HDAC9: variants seen among roughly 807,000 people sequenced by gnomAD.
HDAC9 encodes MEF-2 interacting transcription repressor (MITR) protein.
Under a neutral mutation model 139.4 loss-of-function variants are expected in HDAC9, and 41 were observed. The ratio of observed to expected loss-of-function variants is 0.29; its 90% CI spans 0.23 to 0.38. The LOEUF (loss-of-function observed/expected upper bound fraction) is 0.38. Ranked by LOEUF, HDAC9 falls within the 10% of genes least tolerant of loss-of-function variation. The pLI is 1.00. For synonymous variants in HDAC9, 517 were observed against 476.2 expected (o/e 1.09, Z -1.12); for missense variants, 1,147 against 1,297.0 (o/e 0.88, Z 1.78).
At chr7:18,636,218 T>C (rs1783836690) in intron 8 of HDAC9, among the ~76,000 whole-genome samples, 2 of 152,088 alleles carry the variant, frequency 1.3e-5, no homozygotes, top group South Asian at 4.1e-4. Flanking sequence ...AACACTAAGC[T>C]GACACCCCAG....
intron 1 of HDAC9, among the ~76,000 whole-genome samples, chr7:18,381,355 A>G (rs932634276): frequency 6.6e-6 from 1 of 152,106 alleles, no homozygotes; most frequent in African/African-American, 2.4e-5. Context: ...GGTTGAATAA[A>G]TTTCTCTAAC....
intron 17 of HDAC9, among the ~76,000 whole-genome samples, chr7:18,822,878 A>G (rs1585102043): frequency 6.6e-6 from 1 of 152,216 alleles, no homozygotes; most frequent in African/African-American, 2.4e-5. Context: ...TTAGGATTAA[A>G]TGGGCAATAA....
chr7:18,362,962 A>G lies in HDAC9; in HGVS notation c.-42+72447A>G, dbSNP rs113009928. 3.3e-3 allele frequency among the ~76,000 whole-genome samples: 502 copies of G among 152,280 alleles called. 4 individuals are homozygous for G. The highest frequency in any genetic ancestry group is 0.01 in the African/African-American group (434 of 41,584). On this transcript the variant is annotated intron_variant, in intron 1 of 3. Transcript: ENST00000413509. ...AGAACAAAAGAGACTTATCCCACCC[A>G]GATTGATTCAAATACCTGGAGATAC...
At chr7:18,506,471 T>A (rs1315327888) in intron 2 of HDAC9, among the ~76,000 whole-genome samples, 1 of 152,222 alleles carries the variant, frequency 6.6e-6, no homozygotes, top group African/African-American at 2.4e-5. Context: ...ACACATACTG[T>A]TTTCTTTTTT....
chr7:18,154,057 C>A (rs138199256), intron 1 of HDAC9, among the ~76,000 whole-genome samples: 1 of 152,304 alleles, frequency 6.6e-6, no homozygotes, highest in African/African-American at 2.4e-5. Context: ...AAAACATATT[C>A]AAGTTCTGTA....
intron 17 of HDAC9, among the ~76,000 whole-genome samples, chr7:18,821,288 A>T (rs1340766353): frequency 2.0e-5 from 3 of 152,210 alleles, no homozygotes; most frequent in Non-Finnish European, 2.9e-5. Flanking sequence ...GAGGGAACAC[A>T]TTTAAACCAG....
intron 17 of HDAC9, among the ~76,000 whole-genome samples, chr7:18,804,139 A>G (rs1793518279): frequency 6.6e-6 from 1 of 152,240 alleles, no homozygotes. Context: ...CTTATCAGAA[A>G]GCTTTACTGA....
chr7:18,850,444 C>T (rs774961043), intron 21 of HDAC9, among the ~76,000 whole-genome samples: 1 of 152,164 alleles, frequency 6.6e-6, no homozygotes, highest in Non-Finnish European at 1.5e-5. Flanking sequence ...CTGGAATAAA[C>T]CTACAGAATG....
At chr7:18,911,165 G>A (rs1424320885) in intron 22 of HDAC9, among the ~76,000 whole-genome samples, 1 of 141,238 alleles carries the variant, frequency 7.1e-6, no homozygotes, top group African/African-American at 2.6e-5. Flanking sequence ...TTTTTTTTCT[G>A]GTTTAATCAT....
chr7:18,836,591 G>A (rs550470065), intron 21 of HDAC9, among the ~76,000 whole-genome samples: 1 of 152,182 alleles, frequency 6.6e-6, no homozygotes, highest in African/African-American at 2.4e-5. Flanking sequence ...TAAGTACAGT[G>A]TATTCACATA....
intron 1 of HDAC9, among the ~76,000 whole-genome samples, chr7:18,105,176 T>G (rs542220458): frequency 1.1e-3 from 101 of 95,880 alleles, no homozygotes; most frequent in Non-Finnish European, 1.6e-3. Context: ...GGATTTCATC[T>G]ACATCTAGGA....
chr7:18,468,961 C>G (rs529356268), intron 1 of HDAC9, among the ~76,000 whole-genome samples: 3 of 152,264 alleles, frequency 2.0e-5, no homozygotes, highest in African/African-American at 7.2e-5. Flanking sequence ...ATCATTGTTA[C>G]CTTGGTCATC....
At chr7:18,741,138 A>G (rs932645220) in intron 13 of HDAC9, among the ~76,000 whole-genome samples, 5 of 152,262 alleles carry the variant, frequency 3.3e-5, no homozygotes, top group African/African-American at 1.2e-4. Flanking sequence ...AAGTCTAGCT[A>G]AGACCGTTGG....
At chr7:18,169,645 G>A (rs888850368) in intron 2 of HDAC9, among the ~76,000 whole-genome samples, 8 of 152,006 alleles carry the variant, frequency 5.3e-5, no homozygotes, top group African/African-American at 1.7e-4. Flanking sequence ...GGTGTGTGAT[G>A]TTCCCCGCCC....
chr7:18,168,942 T>C (rs1788215018), intron 2 of HDAC9, among the ~76,000 whole-genome samples: 1 of 146,352 alleles, frequency 6.8e-6, no homozygotes, highest in Admixed American at 7.0e-5. Flanking sequence ...CATGTGTCTC[T>C]GTGTGTGTGT....
chr7:18,131,807 T>C (rs150246936), intron 1 of HDAC9, among the ~76,000 whole-genome samples: 208 of 152,282 alleles, frequency 1.4e-3, no homozygotes, highest in African/African-American at 4.7e-3. Flanking sequence ...AGTCAGGCAG[T>C]CATGTTCACA....
chr7:18,649,240 G>A (rs796820762), intron 11 of HDAC9, among the ~76,000 whole-genome samples: 18 of 152,218 alleles, frequency 1.2e-4, no homozygotes, highest in African/African-American at 2.4e-4. Flanking sequence ...TGTCTGTACC[G>A]TACCACATCC....
At chr7:18,242,078 A>G (rs79520372) in intron 2 of HDAC9, among the ~76,000 whole-genome samples, 2 of 152,056 alleles carry the variant, frequency 1.3e-5, no homozygotes, top group African/African-American at 4.8e-5. Context: ...GATCCCATGC[A>G]TTTCCCCAGT....
Position 18,323,347 on chromosome 7 carries a change from G to T in HDAC9, c.-42+32832G>T, listed in dbSNP as rs1246260157. On this transcript the variant is annotated intron_variant, in intron 1 of 3. Transcript: ENST00000413509. ...AGATTATTACAGTAGCCTCTGACTT[G>T]TTGGCCCAGTTCTTGGCTTGGGCCT... Among the ~76,000 whole-genome samples, 9 of 152,152 alleles carry T rather than the reference G, an allele frequency of 5.9e-5. No homozygotes were observed. In the South Asian group the frequency reaches 1.4e-3, roughly 25 times the overall value.
Sources: allele counts gnomAD v4.1 joint callset (sites outside exome capture counted in the v4.1 genomes callset), GRCh38; gene constraint gnomAD v4.1.1; transcripts MANE v1.5; gene names NCBI Gene and HGNC (gene_info 2026-07-23, HGNC 2026-07-21).